Variants in ZNF608 observed in about 807,000 individuals in gnomAD.
The protein encoded by ZNF608 is renal carcinoma antigen NY-REN-36.
Under a neutral mutation model 109.0 loss-of-function variants are expected in ZNF608, and 12 were observed. The observed-to-expected ratio is 0.11, with a 90% CI of 0.07 to 0.18. The LOEUF is 0.18. Among genes scored for constraint, ZNF608 ranks in the 10% least tolerant of loss-of-function variants. ZNF608 has a pLI of 1.00. For missense variants in ZNF608, 1,707 were observed against 1,879.3 expected, an observed-to-expected ratio of 0.91 and a Z score of 1.70; for synonymous variants, 732 against 717.4, an observed-to-expected ratio of 1.02 and a Z score of -0.33.
At chr5:124,669,652 C>T (rs1751633269) in intron 3 of ZNF608, among the ~76,000 whole-genome samples, 1 of 83,324 alleles carries the variant, frequency 1.2e-5, no homozygotes, top group Non-Finnish European at 2.4e-5. Flanking sequence ...CTCCCAAACA[C>T]ACACAAACAC....
chr5:124,733,762 A>T (rs994602634), intron 2 of ZNF608, among the ~76,000 whole-genome samples: 5 of 152,180 alleles, frequency 3.3e-5, no homozygotes, highest in Non-Finnish European at 5.9e-5. Flanking sequence ...ACTACTAGTC[A>T]TTGAGTAAGA....
intron 8 of ZNF608, 111 bp downstream of exon 8, chr5:124,641,141 G>C: frequency 7.3e-7 from 1 of 1,379,138 alleles, no homozygotes. Flanking sequence ...AAACCCTCCT[G>C]AGAGCTAATG....
At chr5:124,726,132 T>C (rs963023804) in intron 2 of ZNF608, among the ~76,000 whole-genome samples, 10 of 152,202 alleles carry the variant, frequency 6.6e-5, no homozygotes, top group Admixed American at 1.3e-4. Context: ...TGATCACACC[T>C]TCCTTGCTAG....
Position 124,648,182 on chromosome 5 carries a change from A to G in ZNF608, c.2202T>C (p.Ser734=). The change falls in exon 5 of 10, where the codon AGT becomes AGC. Residue 734 remains serine (S), a synonymous_variant. Coordinates refer to ENST00000513986, the MANE Select transcript of ZNF608 (RefSeq NM_020747.3). The part of the protein sequence containing the change: ...KTDKNLSKLK[S]ARPIAPAPAP... Reference sequence around the variant, plus strand: ...CTGGGGCAGGGGCAATGGGCCGGGCACTTTTCAGTTTAGAGAGGTTTTTGT... The same window carrying G: ...CTGGGGCAGGGGCAATGGGCCGGGCGCTTTTCAGTTTAGAGAGGTTTTTGT... The G allele has an allele frequency of 1.2e-6, 2 of 1,613,714 alleles. No individual in the cohort carries two copies. The highest frequency in any genetic ancestry group is 1.7e-5 in the Admixed American group (1 of 60,000).
intron 2 of ZNF608, among the ~76,000 whole-genome samples, chr5:124,727,235 A>C (rs962343973): frequency 1.3e-5 from 2 of 152,218 alleles, no homozygotes; most frequent in African/African-American, 4.8e-5. Flanking sequence ...GTGCTCTGTC[A>C]ACTCTAAAAC....
At chr5:124,660,260 A>G (rs2149802404) in intron 3 of ZNF608, among the ~76,000 whole-genome samples, 1 of 152,234 alleles carries the variant, frequency 6.6e-6, no homozygotes, top group Non-Finnish European at 1.5e-5. Flanking sequence ...TGTGTCACCA[A>G]AAAGCCACCA....
chr5:124,737,857 C>T (rs1276391722), intron 2 of ZNF608, among the ~76,000 whole-genome samples: 1 of 152,164 alleles, frequency 6.6e-6, no homozygotes, highest in South Asian at 2.1e-4. Flanking sequence ...CATTCAGTTG[C>T]AAAGGCTTTG....
chr5:124,703,870 A>C (rs1753154930), intron 2 of ZNF608, among the ~76,000 whole-genome samples: 1 of 152,148 alleles, frequency 6.6e-6, no homozygotes, highest in South Asian at 2.1e-4. Context: ...TTATTTCAAC[A>C]TAACTCCATC....
chr5:124,691,563 C>G (rs1752633167), intron 3 of ZNF608, among the ~76,000 whole-genome samples: 5 of 152,098 alleles, frequency 3.3e-5, no homozygotes, highest in Admixed American at 3.3e-4. Flanking sequence ...TCACAATAGC[C>G]AACATATGAA....
At chr5:124,665,209 G>A (rs1396829660) in intron 3 of ZNF608, among the ~76,000 whole-genome samples, 1 of 151,460 alleles carries the variant, frequency 6.6e-6, no homozygotes, top group Non-Finnish European at 1.5e-5. Flanking sequence ...CATGTTCAGT[G>A]ACATCACACT....
In ZNF608 at chr5:124,637,888, T is replaced by C. The variant is rs1041696959; in HGVS notation, c.*12A>G. 1.2e-6 allele frequency: 2 copies of C among 1,610,752 alleles called. No individual in the cohort carries two copies. Among genetic ancestry groups the C allele is most frequent in the Non-Finnish European group, 1.7e-6 (2 of 1,178,508 alleles). ...TGATCCAGTCACATGACAATGTACA[T>C]GTCCAATCTTGTTATTCTCTGCAAA... On this transcript the variant is annotated 3_prime_UTR_variant, in exon 10 of 10. Transcript: ENST00000513986.
In ZNF608 at chr5:124,744,233, C is replaced by T; in HGVS notation, c.757G>A (p.Gly253Arg). ...GCGACGCTGCCACTCCCAGTGCCCC[C>T]GCAGTGGAAGGGGCTCGCGCCACCT... Reference protein sequence around the residue: ...NGGGASPFHCGGTGSGSVAAA... With the variant: ...NGGGASPFHCRGTGSGSVAAA... Residue 253 changes from glycine to arginine, a missense_variant, in exon 2 of 10, where the codon GGG (glycine) becomes AGG (arginine). Around this residue, in one of 7 missense-constraint regions of ZNF608, gnomAD observed 407 missense variants for 398.7 expected, o/e 1.02. Coordinates refer to ENST00000513986, the MANE Select transcript of ZNF608 (RefSeq NM_020747.3). This position sits in a 1 kb window ranked among gnomAD's most constrained non-coding sequence, Gnocchi z 4.5. 6.2e-7 allele frequency: 1 copy of T among 1,613,852 alleles called. No homozygotes were observed. The highest frequency in any genetic ancestry group is 8.5e-7 in the Non-Finnish European group (1 of 1,179,980).
intron 2 of ZNF608, among the ~76,000 whole-genome samples, chr5:124,706,084 A>T (rs1054902278): frequency 1.3e-5 from 2 of 152,252 alleles, no homozygotes; most frequent in Non-Finnish European, 2.9e-5. Context: ...ATAATTGTAG[A>T]ACTACAACCA....
chr5:124,643,621 T>C lies in ZNF608; in HGVS notation c.4186A>G (p.Thr1396Ala), dbSNP rs1166277799. ...CTAGGGCTGGTATTGACTTTCTCTG[T>C]CTCTTCTCTCCCTGACATCTTCCCA... ...VYGKMSGREE[T>A]EKVNTSPSVN... The change falls in exon 7 of 10, where the codon ACA becomes GCA. Residue 1396 changes from threonine to alanine, a missense_variant. Transcript: ENST00000513986. 6.2e-7 allele frequency: 1 copy of C among 1,614,048 alleles called. No individual in the cohort carries two copies. The highest frequency in any genetic ancestry group is 1.7e-5 in the Admixed American group (1 of 59,996).
In ZNF608 at chr5:124,648,436, A is replaced by G; in HGVS notation, c.1948T>C (p.Ser650Pro). Residue 650 changes from serine to proline, a missense_variant, in exon 5 of 10, where the codon TCC (serine) becomes CCC (proline). Around this residue, in one of 7 missense-constraint regions of ZNF608, gnomAD observed 1,073 missense variants for 1,133.5 expected, o/e 0.95. Transcript: ENST00000513986. ...KRELMSNGPG[S>P]IIGAKAGKNS... ...TTCCCAGCTTTAGCACCAATAATGGAACCTGGGCCATTGCTCATCAGCTCT... is the reference window on the plus strand; with the variant it reads ...TTCCCAGCTTTAGCACCAATAATGGGACCTGGGCCATTGCTCATCAGCTCT... 1 of 1,614,114 alleles carries G rather than the reference A, an allele frequency of 6.2e-7. No individual in the cohort carries two copies. The highest frequency in any genetic ancestry group is 2.2e-5 in the East Asian group (1 of 44,874).
In ZNF608 at chr5:124,744,512, C is replaced by T. The variant is rs1019410233; in HGVS notation, c.478G>A (p.Gly160Ser). The change falls in exon 2 of 10, where the codon GGC becomes AGC. Residue 160 changes from glycine (G) to serine (S), a missense_variant. Around this residue, in one of 7 missense-constraint regions of ZNF608, gnomAD observed 407 missense variants for 398.7 expected, o/e 1.02. Coordinates refer to ENST00000513986, the MANE Select transcript of ZNF608 (RefSeq NM_020747.3). The surrounding 1 kb of genome is among the most constrained non-coding windows in gnomAD (Gnocchi z 4.5). ...TTGCTGTTTGGGTTGCCGCTGCCGC[C>T]GCTGCTCACACTTTGACCCAGCGCT... ...NSALGQSVSS[G>S]GSGNPNSNST... 2 of 1,614,122 alleles carry T rather than the reference C, an allele frequency of 1.2e-6. No homozygotes were observed. The highest frequency in any genetic ancestry group is 1.3e-5 in the African/African-American group (1 of 74,940).
chr5:124,689,901 T>A (rs1336893285), intron 3 of ZNF608, among the ~76,000 whole-genome samples: 1 of 152,242 alleles, frequency 6.6e-6, no homozygotes, highest in Non-Finnish European at 1.5e-5. Flanking sequence ...AAAAACTTTA[T>A]GTCCACACAA....
chr5:124,727,379 A>T (rs1341923297), intron 2 of ZNF608, among the ~76,000 whole-genome samples: 1 of 152,194 alleles, frequency 6.6e-6, no homozygotes, highest in Non-Finnish European at 1.5e-5. Context: ...TTGACCTTGT[A>T]TAGCTGCCCT....
chr5:124,737,898 A>C, intron 2 of ZNF608, among the ~76,000 whole-genome samples: 1 of 152,206 alleles, frequency 6.6e-6, no homozygotes, highest in East Asian at 1.9e-4. Context: ...AGCTTAAATT[A>C]AAAAGAACTT....
Sources: gnomAD v4.1 joint callset for allele counts (sites outside exome capture counted in the v4.1 genomes callset) on GRCh38, gnomAD v4.1.1 for gene constraint, gnomAD v4.1.1 regional missense constraint, Gnocchi (gnomAD v3.1) non-coding constraint, MANE v1.5 for transcripts, NCBI Gene and HGNC (gene_info 2026-07-23, HGNC 2026-07-21) for gene names.